The following ARHGEF38 variants were observed in gnomAD, a reference collection of about 807,000 sequenced individuals.
The protein encoded by ARHGEF38 is Rho guanine nucleotide exchange factor 38, also known as Rho guanine nucleotide exchange factor (GEF) 38.
ARHGEF38 carries 79 observed loss-of-function variants against 79.9 expected under a neutral mutation model. The observed-to-expected ratio is 0.99, with a 90% CI of 0.82 to 1.19. The LOEUF is 1.19. Ranked by LOEUF, ARHGEF38 falls within the 50% of genes most tolerant of loss-of-function variation. The pLI, the probability that ARHGEF38 is intolerant of heterozygous loss-of-function variation, is 0.00. For synonymous variants in ARHGEF38, 366 were observed against 328.3 expected, an observed-to-expected ratio of 1.11 and a Z score of -1.24; for missense variants, 962 against 907.2, an observed-to-expected ratio of 1.06 and a Z score of -0.78.
intron 1 of ARHGEF38, among the ~76,000 whole-genome samples, chr4:105,587,966 C>T (rs1727138583): frequency 6.6e-6 from 1 of 152,182 alleles, no homozygotes; most frequent in East Asian, 1.9e-4. Flanking sequence ...TTACTCTCCA[C>T]AGATGTTTGA....
intron 1 of ARHGEF38, among the ~76,000 whole-genome samples, chr4:105,574,667 A>G (rs1235917641): frequency 1.3e-5 from 2 of 151,922 alleles, no homozygotes; most frequent in African/African-American, 4.8e-5. Context: ...AATTTTTTAT[A>G]TATGGCTTTT....
chr4:105,663,654 T>G (rs1185021371), intron 10 of ARHGEF38, among the ~76,000 whole-genome samples: 3 of 152,222 alleles, frequency 2.0e-5, no homozygotes, highest in Admixed American at 2.0e-4. Flanking sequence ...TTTTTAACTG[T>G]GAATATTTCA....
intron 1 of ARHGEF38, among the ~76,000 whole-genome samples, chr4:105,588,163 C>T (rs1470052587): frequency 1.3e-5 from 2 of 152,174 alleles, no homozygotes; most frequent in Non-Finnish European, 2.9e-5. Context: ...TGTTTATTTT[C>T]ACTTTCATAC....
chr4:105,556,551 T>C (rs1725260941), intron 1 of ARHGEF38, among the ~76,000 whole-genome samples: 1 of 152,142 alleles, frequency 6.6e-6, no homozygotes, highest in African/African-American at 2.4e-5. Flanking sequence ...TTTTAACCTC[T>C]TCACTGTATT....
intron 13 of ARHGEF38, among the ~76,000 whole-genome samples, chr4:105,674,536 A>G (rs575410321): frequency 1.3e-5 from 2 of 152,128 alleles, no homozygotes; most frequent in Non-Finnish European, 2.9e-5. Context: ...GTCTAACATT[A>G]AGGAGACTAA....
chr4:105,641,745 A>G (rs936471536), intron 5 of ARHGEF38, among the ~76,000 whole-genome samples: 8 of 151,850 alleles, frequency 5.3e-5, no homozygotes, highest in Non-Finnish European at 8.8e-5. Flanking sequence ...GTTTTCCAGC[A>G]TAATGTTTAT....
intron 10 of ARHGEF38, among the ~76,000 whole-genome samples, chr4:105,664,499 A>G (rs530947023): frequency 6.6e-6 from 1 of 152,018 alleles, no homozygotes; most frequent in East Asian, 1.9e-4. Flanking sequence ...ATACCCCTAC[A>G]TTTGCTATAG....
chr4:105,663,796 C>T (rs1730649307), intron 10 of ARHGEF38, among the ~76,000 whole-genome samples: 1 of 152,038 alleles, frequency 6.6e-6, no homozygotes, highest in Non-Finnish European at 1.5e-5. Context: ...ATGGCGAAAC[C>T]TTGTCTCTAC....
At chr4:105,559,397 G>A (rs1001834588) in intron 1 of ARHGEF38, among the ~76,000 whole-genome samples, 1 of 152,036 alleles carries the variant, frequency 6.6e-6, no homozygotes, top group Non-Finnish European at 1.5e-5. Flanking sequence ...ATTGATGATG[G>A]GGGTGTTTCT....
At position 105,631,014 on chromosome 4, in the gene ARHGEF38, G is replaced by T; in HGVS notation, c.625G>T (p.Glu209Ter). The change falls in exon 4 of 14, where the codon GAA (glutamate) becomes TAA (stop). Residue 209 changes from glutamate to a stop codon, truncating the protein, a stop_gained. Transcript: ENST00000420470. LOFTEE classifies it high-confidence loss of function. ...ESYEKEEELK[E>*]HLSHCIQSLK... ...CTATGAAAAGGAAGAAGAGCTGAAG[G>T]AACATTTGAGCCACTGTATCCAGTC... 1 of 1,613,586 alleles carries T rather than the reference G, an allele frequency of 6.2e-7. No homozygotes were observed. Among genetic ancestry groups the T allele is most frequent in the South Asian group, 1.1e-5 (1 of 90,974 alleles).
chr4:105,578,690 G>T (rs2110435700), intron 1 of ARHGEF38, among the ~76,000 whole-genome samples: 1 of 152,168 alleles, frequency 6.6e-6, no homozygotes, highest in South Asian at 2.1e-4. Flanking sequence ...TACTGTTGTT[G>T]CTTTAAGGTC....
chr4:105,561,468 T>TGG lies in ARHGEF38; in HGVS notation c.196+8507_196+8508insGG, dbSNP rs1215059564. 631 of 103,660 alleles carry TGG rather than the reference T, an allele frequency of 6.1e-3. 47 individuals are homozygous for TGG. Among genetic ancestry groups the TGG allele is most frequent in the Middle Eastern group, 9.9e-3 (2 of 202 alleles). The allele number at this position is 103,660 out of a possible 1,614,324, so 6.4% of individuals were successfully genotyped here. ...TAGAATGGAATAGAATAGAATAGAA[T>TGG]AGAATAGAATAGAATAGAATAGAAT... On this transcript the variant is annotated intron_variant, in intron 1 of 13. Coordinates refer to ENST00000420470, the MANE Select transcript of ARHGEF38 (RefSeq NM_001242729.2).
chr4:105,553,774 T>C (rs1463794155), intron 1 of ARHGEF38, among the ~76,000 whole-genome samples: 2 of 152,178 alleles, frequency 1.3e-5, no homozygotes, highest in African/African-American at 4.8e-5. Context: ...TTAAGTCTTT[T>C]CTTCGGTACT....
chr4:105,611,099 G>A (rs1203300477), intron 2 of ARHGEF38, among the ~76,000 whole-genome samples: 1 of 152,164 alleles, frequency 6.6e-6, no homozygotes, highest in African/African-American at 2.4e-5. Context: ...TCTTCAAGAT[G>A]GTTCATCCTT....
intron 5 of ARHGEF38, among the ~76,000 whole-genome samples, chr4:105,636,709 T>C (rs1729410904): frequency 6.6e-6 from 1 of 152,106 alleles, no homozygotes; most frequent in African/African-American, 2.4e-5. Flanking sequence ...TTTGGGAATC[T>C]TAATGTGTCC....
intron 11 of ARHGEF38, 93 bp downstream of exon 11, chr4:105,666,413 A>T (rs1045159955): frequency 7.9e-7 from 1 of 1,272,032 alleles, no homozygotes; most frequent in Non-Finnish European, 1.0e-6. Flanking sequence ...CACTTATCTC[A>T]TTCTAATATC....
intron 3 of ARHGEF38, among the ~76,000 whole-genome samples, chr4:105,624,695 G>A (rs1475234344): frequency 1.3e-5 from 2 of 152,228 alleles, no homozygotes; most frequent in Non-Finnish European, 2.9e-5. Flanking sequence ...GGAAAGAAAG[G>A]GAGAAAGTAT....
At chr4:105,618,809 A>G (rs1728620473) in intron 3 of ARHGEF38, among the ~76,000 whole-genome samples, 1 of 152,204 alleles carries the variant, frequency 6.6e-6, no homozygotes, top group African/African-American at 2.4e-5. Context: ...AAAGGTGGTA[A>G]CTTTACATTG....
At chr4:105,626,677 C>T (rs915037295) in intron 3 of ARHGEF38, among the ~76,000 whole-genome samples, 1 of 152,002 alleles carries the variant, frequency 6.6e-6, no homozygotes, top group African/African-American at 2.4e-5. Flanking sequence ...AACTCCTCCC[C>T]GAAATTCCAT....
Sources: allele counts gnomAD v4.1 joint callset (sites outside exome capture counted in the v4.1 genomes callset), GRCh38; gene constraint gnomAD v4.1.1; transcripts MANE v1.5; gene names NCBI Gene and HGNC (gene_info 2026-07-23, HGNC 2026-07-21).